Variants in MAD1L1 observed in about 807,000 individuals in gnomAD.
The protein encoded by MAD1L1 is mitotic arrest deficient 1 like 1, also known as mitotic spindle assembly checkpoint protein MAD1.
MAD1L1 carries 95 observed loss-of-function variants against 96.9 expected under a neutral mutation model. The ratio of observed to expected loss-of-function variants is 0.98; its 90% confidence interval spans 0.83 to 1.16. MAD1L1 has a LOEUF of 1.16. Among genes scored for constraint, MAD1L1 ranks in the 50% most tolerant of loss-of-function variants. The pLI, the probability that MAD1L1 is intolerant of heterozygous loss-of-function variation, is 0.00. For synonymous variants in MAD1L1, 473 were observed against 396.6 expected (o/e 1.19, Z -2.29); for missense variants, 1,007 against 954.4 (o/e 1.06, Z -0.73).
chr7:2,148,348 G>C (rs1179257005), intron 11 of MAD1L1: 1 of 152,950 alleles, frequency 6.5e-6, no homozygotes, highest in African/African-American at 2.4e-5. Flanking sequence ...CCCGTTGCAC[G>C]GCCCTTCCCT....
intron 15 of MAD1L1, among the ~76,000 whole-genome samples, chr7:1,972,984 C>A (rs528095218): frequency 1.3e-4 from 20 of 152,172 alleles, no homozygotes; most frequent in Non-Finnish European, 2.8e-4. Flanking sequence ...TTACTGACAT[C>A]TAGTTTGGGT....
In MAD1L1 at chr7:1,858,604, C is replaced by T. The variant is rs1441644598; in HGVS notation, c.1998+39596G>A. On this transcript the variant is annotated intron_variant, in intron 18 of 18. Coordinates refer to ENST00000265854, the MANE Select transcript of MAD1L1 (RefSeq NM_001013836.2). ...GGCACCAGGACGCCCGCGGTGCCTC[C>T]TCCTACCTGGCGGGGCTGCTAGGGT... 2.0e-5 allele frequency among the ~76,000 whole-genome samples: 3 copies of T among 152,228 alleles called. No individual in the cohort carries two copies. In the East Asian group the frequency reaches 5.8e-4, roughly 29 times the overall value.
chr7:1,863,395 T>G (rs1470204985), intron 18 of MAD1L1, among the ~76,000 whole-genome samples: 1 of 152,046 alleles, frequency 6.6e-6, no homozygotes, highest in Non-Finnish European at 1.5e-5. Flanking sequence ...GGCACGGCCG[T>G]CACAAGGCCT....
At chr7:2,130,058 T>C (rs531337180) in intron 11 of MAD1L1, among the ~76,000 whole-genome samples, 1 of 152,218 alleles carries the variant, frequency 6.6e-6, no homozygotes, top group Non-Finnish European at 1.5e-5. Flanking sequence ...ACCAAGTGGG[T>C]GCAGGAAATG....
chr7:1,907,181 C>T (rs1583736520), intron 17 of MAD1L1, among the ~76,000 whole-genome samples: 1 of 152,182 alleles, frequency 6.6e-6, no homozygotes, highest in African/African-American at 2.4e-5. Flanking sequence ...TCCCCACTAT[C>T]TCCCCACTGC....
chr7:1,947,832 G>A (rs1375075676), intron 16 of MAD1L1, among the ~76,000 whole-genome samples: 1 of 152,250 alleles, frequency 6.6e-6, no homozygotes, highest in Non-Finnish European at 1.5e-5. Context: ...GGGCTGAAGG[G>A]CTGGATGCAC....
At chr7:2,110,396 G>A (rs574602232) in intron 11 of MAD1L1, among the ~76,000 whole-genome samples, 156 of 152,266 alleles carry the variant, frequency 1.0e-3, no homozygotes, top group African/African-American at 1.9e-3. Context: ...CAGAAGCCAC[G>A]CCCAAAGCGG....
intron 12 of MAD1L1, among the ~76,000 whole-genome samples, chr7:2,053,675 C>A (rs763944165): frequency 6.6e-6 from 1 of 152,180 alleles, no homozygotes; most frequent in Non-Finnish European, 1.5e-5. Context: ...GTGCCCCAGG[C>A]CAACAGGGTA....
intron 10 of MAD1L1, among the ~76,000 whole-genome samples, chr7:2,208,438 T>C (rs1440283765): frequency 6.6e-6 from 1 of 151,900 alleles, no homozygotes; most frequent in Non-Finnish European, 1.5e-5. Context: ...TCCAGTACAG[T>C]GCAACCAGGG....
chr7:2,105,346 C>T (rs139336005), intron 11 of MAD1L1, among the ~76,000 whole-genome samples: 3 of 152,040 alleles, frequency 2.0e-5, no homozygotes, highest in Non-Finnish European at 4.4e-5. Flanking sequence ...GGGAGGAAGG[C>T]CACTCAGGGC....
chr7:1,979,272 C>T (rs1780785377), intron 15 of MAD1L1, among the ~76,000 whole-genome samples: 2 of 152,316 alleles, frequency 1.3e-5, no homozygotes, highest in South Asian at 2.1e-4. Context: ...TTGATGTCCC[C>T]TGGAGCTGTC....
intron 12 of MAD1L1, among the ~76,000 whole-genome samples, chr7:2,026,182 T>C (rs935907617): frequency 2.6e-5 from 4 of 152,104 alleles, no homozygotes; most frequent in Non-Finnish European, 4.4e-5. Context: ...CGTATTAATA[T>C]CCCAGAAAGG....
chr7:1,817,781 T>TC (rs1781899176), intron 18 of MAD1L1, among the ~76,000 whole-genome samples: 1 of 151,956 alleles, frequency 6.6e-6, no homozygotes. Flanking sequence ...CTGGGAACCC[T>TC]CCCCAGGAGC....
At chr7:1,907,083 C>T (rs1269595467) in intron 17 of MAD1L1, among the ~76,000 whole-genome samples, 2 of 152,076 alleles carry the variant, frequency 1.3e-5, no homozygotes, top group Non-Finnish European at 2.9e-5. Context: ...GAGCCAGGGG[C>T]CTCCAGGGGC....
At chr7:1,880,576 A>G (rs1785628728) in intron 18 of MAD1L1, among the ~76,000 whole-genome samples, 1 of 152,172 alleles carries the variant, frequency 6.6e-6, no homozygotes, top group African/African-American at 2.4e-5. Flanking sequence ...GTGGGCCCTC[A>G]ATTTGGCAAA....
chr7:1,892,276 C>T (rs1483448639), intron 18 of MAD1L1, among the ~76,000 whole-genome samples: 2 of 152,128 alleles, frequency 1.3e-5, no homozygotes, highest in African/African-American at 4.8e-5. Context: ...CAGGCTCGTA[C>T]AAGTCATTCT....
At chr7:1,851,990 C>T (rs927566536) in intron 18 of MAD1L1, among the ~76,000 whole-genome samples, 31 of 152,144 alleles carry the variant, frequency 2.0e-4, no homozygotes, top group Non-Finnish European at 3.2e-4. Context: ...ACAGTGTCAG[C>T]GGCAACGAGA....
chr7:1,864,925 G>A (rs1209442625), intron 18 of MAD1L1, among the ~76,000 whole-genome samples: 2 of 152,204 alleles, frequency 1.3e-5, no homozygotes, highest in South Asian at 2.1e-4. Flanking sequence ...GCAGCCAGCA[G>A]AATCCTGTGT....
intron 11 of MAD1L1, among the ~76,000 whole-genome samples, chr7:2,123,977 T>C (rs1276319109): frequency 1.3e-5 from 2 of 151,226 alleles, no homozygotes; most frequent in African/African-American, 4.9e-5. Flanking sequence ...GGCGGGGGCT[T>C]AGGCCCCGGG....
Sources: gnomAD v4.1 joint callset for allele counts (sites outside exome capture counted in the v4.1 genomes callset) on GRCh38, gnomAD v4.1.1 for gene constraint, MANE v1.5 for transcripts, NCBI Gene and HGNC (gene_info 2026-07-23, HGNC 2026-07-21) for gene names.